SGCZ: variants seen among roughly 807,000 people sequenced by gnomAD.
SGCZ encodes the protein zeta-sarcoglycan.
A neutral mutation model predicts 41.3 loss-of-function variants in SGCZ; 40 were observed. The observed-to-expected ratio is 0.97, with a 90% CI of 0.75 to 1.26. The LOEUF (loss-of-function observed/expected upper bound fraction) is 1.26, where lower values mean the gene tolerates loss of function less well. SGCZ is among the 50% of genes most tolerant of loss of function. The pLI is 0.00. For missense variants in SGCZ, 552 were observed against 369.8 expected (o/e 1.49, Z -4.04); for synonymous variants, 206 against 137.5 (o/e 1.50, Z -3.49).
chr8:14,380,710 G>T (rs1186820175), intron 2 of SGCZ, among the ~76,000 whole-genome samples: 1 of 152,050 alleles, frequency 6.6e-6, no homozygotes, highest in Non-Finnish European at 1.5e-5. Flanking sequence ...AAATTAGCTG[G>T]GCATGGTGGT....
In SGCZ at chr8:14,691,737, C is replaced by A. The variant is rs114832976; in HGVS notation, c.40-136811G>T. ...AACATCGTTCTTCATAATCATGTGT[C>A]CAAATACAGAATAATAAAATAGCAA... On this transcript the variant is annotated intron_variant, in intron 1 of 7. Coordinates refer to ENST00000382080, the MANE Select transcript of SGCZ (RefSeq NM_139167.4). Among the ~76,000 whole-genome samples, 595 of 151,934 alleles carry A rather than the reference C, an allele frequency of 3.9e-3. 4 individuals carry two copies. The highest frequency in any genetic ancestry group is 0.013 in the African/African-American group (533 of 41,502).
In SGCZ at chr8:14,089,957, C is replaced by T. The variant is rs980557361; in HGVS notation, c.*486G>A. On this transcript the variant is annotated 3_prime_UTR_variant, in exon 8 of 8. Coordinates refer to ENST00000382080, the MANE Select transcript of SGCZ (RefSeq NM_139167.4). ...TTAGTAAAGCAAGCATTACATAATGCTTTAAAATTTTAAAAGTCGGGGATA... is the reference window on the plus strand; with the variant it reads ...TTAGTAAAGCAAGCATTACATAATGTTTTAAAATTTTAAAAGTCGGGGATA... 6.6e-6 allele frequency: 1 copy of T among 152,476 alleles called. No individual in the cohort carries two copies. The highest frequency in any genetic ancestry group is 2.4e-5 in the African/African-American group (1 of 41,400). The allele number at this position is 152,476 out of a possible 1,614,324, so 9.4% of individuals were successfully genotyped here. A position where few individuals can be genotyped will look rare whatever the true frequency, so the allele number is the denominator to read the frequency against.
intron 2 of SGCZ, among the ~76,000 whole-genome samples, chr8:14,420,006 A>G (rs1035281703): frequency 2.6e-5 from 4 of 152,094 alleles, no homozygotes; most frequent in African/African-American, 9.7e-5. Context: ...TGTTGAAAGT[A>G]TATTTTCTTC....
chr8:14,745,006 C>T (rs6988344), intron 1 of SGCZ, among the ~76,000 whole-genome samples: 57,235 of 152,054 alleles, frequency 0.38, 13,291 homozygotes, highest in African/African-American at 0.65. Context: ...TAACACTTAG[C>T]TCTCCAATAA....
intron 1 of SGCZ, among the ~76,000 whole-genome samples, chr8:14,896,548 C>G (rs1189588479): frequency 6.6e-6 from 1 of 152,078 alleles, no homozygotes; most frequent in Non-Finnish European, 1.5e-5. Context: ...ATGATCTCGG[C>G]TCACTGCAAA....
intron 1 of SGCZ, among the ~76,000 whole-genome samples, chr8:14,761,518 A>T (rs956194135): frequency 4.1e-5 from 6 of 147,732 alleles, no homozygotes; most frequent in South Asian, 2.1e-4. Context: ...TATTATTATT[A>T]TTTTATTTAT....
chr8:15,145,890 C>T, intron 1 of SGCZ, among the ~76,000 whole-genome samples: 1 of 152,148 alleles, frequency 6.6e-6, no homozygotes, highest in East Asian at 1.9e-4. Flanking sequence ...ATCTCCTCTG[C>T]CTCCCTAGAA....
At chr8:14,588,316 G>A (rs1294437401) in intron 1 of SGCZ, among the ~76,000 whole-genome samples, 3 of 151,686 alleles carry the variant, frequency 2.0e-5, no homozygotes, top group Non-Finnish European at 4.4e-5. Flanking sequence ...ATGTTGCCAA[G>A]AAAGTAATGA....
intron 2 of SGCZ, among the ~76,000 whole-genome samples, chr8:14,507,508 C>A (rs914076141): frequency 5.9e-5 from 9 of 152,188 alleles, no homozygotes; most frequent in Non-Finnish European, 1.3e-4. Flanking sequence ...AGCCAGTAAT[C>A]CTACAGAGTC....
At chr8:14,500,289 C>T (rs975408259) in intron 2 of SGCZ, among the ~76,000 whole-genome samples, 1 of 151,990 alleles carries the variant, frequency 6.6e-6, no homozygotes, top group Admixed American at 6.6e-5. Flanking sequence ...GTTGTTGTTA[C>T]AATCTCAGTT....
At chr8:14,340,531 G>T (rs1344856446) in intron 2 of SGCZ, among the ~76,000 whole-genome samples, 1 of 151,966 alleles carries the variant, frequency 6.6e-6, no homozygotes, top group Admixed American at 6.6e-5. Flanking sequence ...TGTCTTCCTT[G>T]TCTTTTTATC....
At chr8:14,991,900 C>G (rs1411601425) in intron 1 of SGCZ, among the ~76,000 whole-genome samples, 2 of 150,644 alleles carry the variant, frequency 1.3e-5, no homozygotes, top group African/African-American at 4.9e-5. Flanking sequence ...CCAATCTACT[C>G]CCAAATATAC....
intron 1 of SGCZ, among the ~76,000 whole-genome samples, chr8:14,670,536 G>C (rs1477275758): frequency 1.3e-5 from 2 of 152,118 alleles, no homozygotes; most frequent in Non-Finnish European, 1.5e-5. Context: ...AATGATAATA[G>C]CAATGATTAG....
intron 1 of SGCZ, among the ~76,000 whole-genome samples, chr8:14,805,136 T>A: frequency 9.8e-6 from 1 of 101,850 alleles, no homozygotes. Context: ...TGCCAAAATG[T>A]AAAGACCATC....
intron 5 of SGCZ, among the ~76,000 whole-genome samples, chr8:14,129,480 G>C (rs1037022130): frequency 6.6e-6 from 1 of 150,954 alleles, no homozygotes; most frequent in Admixed American, 6.6e-5. Flanking sequence ...TAACCAATGG[G>C]TAATGAAAGA....
chr8:14,706,807 A>T (rs150319934), intron 1 of SGCZ, among the ~76,000 whole-genome samples: 13 of 152,246 alleles, frequency 8.5e-5, no homozygotes, highest in African/African-American at 3.1e-4. Context: ...TACTTTTACC[A>T]GCACATGACT....
chr8:15,100,274 A>G (rs1347397074), intron 1 of SGCZ, among the ~76,000 whole-genome samples: 1 of 152,218 alleles, frequency 6.6e-6, no homozygotes, highest in Admixed American at 6.5e-5. Flanking sequence ...CAAAGTTAAT[A>G]TATAAAAGTC....
intron 1 of SGCZ, among the ~76,000 whole-genome samples, chr8:15,124,325 G>T (rs1388924559): frequency 6.6e-6 from 1 of 152,142 alleles, no homozygotes; most frequent in Non-Finnish European, 1.5e-5. Flanking sequence ...TCTTTGAGGA[G>T]TAAATTAACC....
At chr8:14,180,329 C>T (rs1369592659) in intron 4 of SGCZ, among the ~76,000 whole-genome samples, 1 of 152,122 alleles carries the variant, frequency 6.6e-6, no homozygotes, top group Non-Finnish European at 1.5e-5. Context: ...GTCCTTCAAG[C>T]ACTGCAGGAA....
Sources: gnomAD v4.1 joint callset for allele counts (sites outside exome capture counted in the v4.1 genomes callset) on GRCh38, gnomAD v4.1.1 for gene constraint, MANE v1.5 for transcripts, NCBI Gene and HGNC (gene_info 2026-07-23, HGNC 2026-07-21) for gene names.